The following PTPRD variants were observed in gnomAD, a reference collection of about 807,000 sequenced individuals.
The protein encoded by PTPRD is receptor-type tyrosine-protein phosphatase delta.
In PTPRD, 34 loss-of-function variants were observed where a neutral mutation model predicts 214.5. That is an observed-to-expected ratio of 0.16 (90% confidence interval 0.12 to 0.21). The LOEUF (loss-of-function observed/expected upper bound fraction) is 0.21. Among genes scored for constraint, PTPRD ranks in the 10% least tolerant of loss-of-function variants. The pLI, the probability that PTPRD is intolerant of heterozygous loss-of-function variation, is 1.00. For synonymous variants in PTPRD, 1,128 were observed against 845.7 expected, an observed-to-expected ratio of 1.33 and a Z score of -5.79; for missense variants, 2,545 against 2,398.7, an observed-to-expected ratio of 1.06 and a Z score of -1.27.
intron 14 of PTPRD, among the ~76,000 whole-genome samples, chr9:8,619,962 C>A (rs1014797329): frequency 6.6e-6 from 1 of 151,984 alleles, no homozygotes; most frequent in Non-Finnish European, 1.5e-5. Flanking sequence ...TTTGGTCAAG[C>A]CACCTCTGAA....
intron 8 of PTPRD, among the ~76,000 whole-genome samples, chr9:9,536,828 C>T (rs2076610462): frequency 6.6e-6 from 1 of 151,936 alleles, no homozygotes; most frequent in South Asian, 2.1e-4. Context: ...TGTATTCAGC[C>T]CAGCACTCGT....
At chr9:8,902,004 T>C (rs1031508305) in intron 11 of PTPRD, among the ~76,000 whole-genome samples, 5 of 152,200 alleles carry the variant, frequency 3.3e-5, no homozygotes, top group African/African-American at 1.2e-4. Flanking sequence ...GGGATTCAGA[T>C]AGAGTGTTCC....
chr9:8,741,566 C>CTTTTTTTTTTTTTTTTTTTT lies in PTPRD; in HGVS notation c.-103-7640_-103-7621dup, dbSNP rs66547770. Among the ~76,000 whole-genome samples, 6 of 70,644 alleles carry CTTTTTTTTTTTTTTTTTTTT rather than the reference C, an allele frequency of 8.5e-5. 2 individuals are homozygous for CTTTTTTTTTTTTTTTTTTTT. Among genetic ancestry groups the CTTTTTTTTTTTTTTTTTTTT allele is most frequent in the African/African-American group, 1.2e-4 (2 of 16,516 alleles). The allele number at this position is 70,644 out of a possible 152,430, so 46.3% of individuals were successfully genotyped here. Reference sequence around the variant, plus strand: ...TCTATTATTTTAATCTCAGGCATTTCTTTTTTTTTTTTTTTTTTTTTTTTT... The same window carrying CTTTTTTTTTTTTTTTTTTTT: ...TCTATTATTTTAATCTCAGGCATTTCTTTTTTTTTTTTTTTTTTTTTTTTTTTTTTTTTTTTTTTTTTTTT... On this transcript the variant is annotated intron_variant, in intron 11 of 45. Coordinates refer to ENST00000381196, the MANE Select transcript of PTPRD (RefSeq NM_002839.4).
chr9:8,670,114 A>T (rs1341911489), intron 12 of PTPRD, among the ~76,000 whole-genome samples: 1 of 152,036 alleles, frequency 6.6e-6, no homozygotes, highest in East Asian at 1.9e-4. Flanking sequence ...CTTTGAACCC[A>T]TGGTTTTCTT....
At chr9:8,764,436 G>A (rs2094581626) in intron 11 of PTPRD, among the ~76,000 whole-genome samples, 1 of 152,082 alleles carries the variant, frequency 6.6e-6, no homozygotes, top group Non-Finnish European at 1.5e-5. Context: ...CTGGAATTTA[G>A]GCATTAAGAT....
intron 9 of PTPRD, among the ~76,000 whole-genome samples, chr9:9,329,089 T>C (rs1217638690): frequency 6.6e-6 from 1 of 152,050 alleles, no homozygotes; most frequent in Non-Finnish European, 1.5e-5. Flanking sequence ...CTGGGAAAAT[T>C]CAGCTATCCT....
rs1203248235 is a variant in PTPRD at position 8,903,770 on chromosome 9, T to A, written c.-104+114927A>T. On this transcript the variant is annotated intron_variant, in intron 11 of 45. Transcript: ENST00000381196. The stretch of plus-strand genomic sequence containing the variant: ...TACCTTTAAAAAATTATGGGAAATT[T>A]GATTACTATTTAAAAGACTACTCTG... Among the ~76,000 whole-genome samples the A allele has an allele frequency of 5.4e-3, 797 of 148,324 alleles. 22 individuals are homozygous for A. Among genetic ancestry groups the A allele is most frequent in the African/African-American group, 0.02 (750 of 37,844 alleles).
chr9:9,581,338 A>T (rs2090705125), intron 7 of PTPRD, among the ~76,000 whole-genome samples: 1 of 152,326 alleles, frequency 6.6e-6, no homozygotes, highest in East Asian at 1.9e-4. Flanking sequence ...TGTAGGTAAT[A>T]TAAGAATGAT....
intron 3 of PTPRD, among the ~76,000 whole-genome samples, chr9:10,322,492 C>T (rs987569942): frequency 2.0e-5 from 3 of 151,940 alleles, no homozygotes; most frequent in African/African-American, 7.2e-5. Flanking sequence ...TTAGGATACT[C>T]GAGCCTAGCT....
At chr9:10,568,536 C>T (rs993714959) in intron 2 of PTPRD, among the ~76,000 whole-genome samples, 1 of 152,036 alleles carries the variant, frequency 6.6e-6, no homozygotes, top group South Asian at 2.1e-4. Flanking sequence ...CCCGAGGAAT[C>T]GCCCCACTGA....
chr9:8,945,056 A>G (rs995848306), intron 11 of PTPRD, among the ~76,000 whole-genome samples: 1 of 152,076 alleles, frequency 6.6e-6, no homozygotes, highest in African/African-American at 2.4e-5. Context: ...GAAAATTTAA[A>G]AATTTTTTAA....
At chr9:9,619,990 AAG>A (rs1328385258) in intron 7 of PTPRD, among the ~76,000 whole-genome samples, 3 of 151,516 alleles carry the variant, frequency 2.0e-5, no homozygotes, top group Non-Finnish European at 4.4e-5. Context: ...GAGAGAGAGA[AAG>A]AGAGAAAGAG....
chr9:9,102,083 G>T (rs2099792174), intron 10 of PTPRD, among the ~76,000 whole-genome samples: 1 of 152,256 alleles, frequency 6.6e-6, no homozygotes, highest in East Asian at 1.9e-4. Context: ...TAAGCATACA[G>T]ACTCTTCTTT....
chr9:8,614,484 A>C (rs1325477681), intron 14 of PTPRD, among the ~76,000 whole-genome samples: 1 of 152,210 alleles, frequency 6.6e-6, no homozygotes, highest in Non-Finnish European at 1.5e-5. Flanking sequence ...TGTTGTAAGG[A>C]AGGCCAGGAT....
intron 12 of PTPRD, among the ~76,000 whole-genome samples, chr9:8,645,222 T>A (rs1056355432): frequency 6.6e-6 from 1 of 152,222 alleles, no homozygotes; most frequent in Non-Finnish European, 1.5e-5. Context: ...TATTTAAAAG[T>A]TCTCTTAAAG....
At chr9:9,380,801 T>A (rs559583926) in intron 9 of PTPRD, among the ~76,000 whole-genome samples, 1 of 152,280 alleles carries the variant, frequency 6.6e-6, no homozygotes, top group Non-Finnish European at 1.5e-5. Context: ...TGATTGTGGA[T>A]TCTTCCATTT....
chr9:8,912,799 T>C (rs1257504324), intron 11 of PTPRD, among the ~76,000 whole-genome samples: 1 of 152,178 alleles, frequency 6.6e-6, no homozygotes, highest in East Asian at 1.9e-4. Flanking sequence ...TTTTGGCTTG[T>C]TGAATTTCTG....
chr9:9,966,509 C>T (rs942405670), intron 4 of PTPRD, among the ~76,000 whole-genome samples: 6 of 151,988 alleles, frequency 3.9e-5, no homozygotes, highest in African/African-American at 7.2e-5. Context: ...AATTATTCTC[C>T]ATAAAAGGCT....
chr9:8,966,766 T>G (rs1473418103), intron 11 of PTPRD, among the ~76,000 whole-genome samples: 1 of 151,980 alleles, frequency 6.6e-6, no homozygotes, highest in Non-Finnish European at 1.5e-5. Context: ...TTAGACCTAT[T>G]GAACTAAAGA....
Sources: gnomAD v4.1 joint callset for allele counts (sites outside exome capture counted in the v4.1 genomes callset) on GRCh38, gnomAD v4.1.1 for gene constraint, MANE v1.5 for transcripts, NCBI Gene and HGNC (gene_info 2026-07-23, HGNC 2026-07-21) for gene names.